The following EYS variants were observed in gnomAD, a reference collection of about 807,000 sequenced individuals.
EYS encodes EGF-like photoreceptor maintenance factor.
EYS carries 250 observed loss-of-function variants against 282.1 expected under a neutral mutation model. The observed-to-expected ratio is 0.89, with a 90% CI of 0.80 to 0.98. The LOEUF (loss-of-function observed/expected upper bound fraction) is 0.98, where lower values mean the gene tolerates loss of function less well. EYS is among the 50% of genes least tolerant of loss of function. The pLI is 0.00. For synonymous variants in EYS, 1,355 were observed against 1,282.9 expected (o/e 1.06, Z -1.20); for missense variants, 4,016 against 3,709.0 (o/e 1.08, Z -2.15).
intron 35 of EYS, among the ~76,000 whole-genome samples, chr6:63,941,120 T>C (rs1351052112): frequency 3.3e-5 from 5 of 152,158 alleles, no homozygotes; most frequent in Non-Finnish European, 5.9e-5. Context: ...TCTTTGCTAT[T>C]GTGAATAGTG....
At chr6:64,997,060 A>G (rs1771287858) in intron 14 of EYS, among the ~76,000 whole-genome samples, 1 of 152,138 alleles carries the variant, frequency 6.6e-6, no homozygotes. Context: ...CATGTCACAG[A>G]TCATTTAAGG....
chr6:65,519,320 G>T (rs1006723686), intron 2 of EYS, among the ~76,000 whole-genome samples: 2 of 151,346 alleles, frequency 1.3e-5, no homozygotes, highest in African/African-American at 4.9e-5. Context: ...CGGTGGTGGT[G>T]GCAAATTAAA....
intron 5 of EYS, among the ~76,000 whole-genome samples, chr6:65,461,317 C>A (rs1358760876): frequency 6.6e-6 from 1 of 152,096 alleles, no homozygotes; most frequent in Non-Finnish European, 1.5e-5. Context: ...AGCTCCATTA[C>A]ATATCTAGGA....
chr6:64,662,484 CA>C (rs1358537757), intron 22 of EYS, among the ~76,000 whole-genome samples: 3 of 152,174 alleles, frequency 2.0e-5, no homozygotes, highest in Admixed American at 6.5e-5. Flanking sequence ...AAAATAACCC[CA>C]AAGTTATAAT....
intron 22 of EYS, among the ~76,000 whole-genome samples, chr6:64,633,450 G>A (rs370478877): frequency 6.6e-6 from 1 of 152,068 alleles, no homozygotes; most frequent in South Asian, 2.1e-4. Context: ...ACAGAGCTGG[G>A]TGCAGGTTGT....
At chr6:65,187,513 G>T (rs1765542609) in intron 12 of EYS, among the ~76,000 whole-genome samples, 3 of 151,626 alleles carry the variant, frequency 2.0e-5, no homozygotes, top group South Asian at 4.1e-4. Flanking sequence ...TTTCCTGCAA[G>T]AATATGAATA....
rs148941212 is a variant in EYS at position 64,159,485 on chromosome 6, G to T, written c.6424+71107C>A. 8.3e-3 allele frequency among the ~76,000 whole-genome samples: 1,235 copies of T among 148,860 alleles called. 4 individuals are homozygous for T. The highest frequency in any genetic ancestry group is 0.017 in the Middle Eastern group (5 of 288). On this transcript the variant is annotated intron_variant, in intron 31 of 42. Transcript: ENST00000503581. Reference sequence around the variant, plus strand: ...TGAAGCAGGACAATGGCGTGAACCCGGGAGGCGGAGCTTGTAGAGAGCCGA... The same window carrying T: ...TGAAGCAGGACAATGGCGTGAACCCTGGAGGCGGAGCTTGTAGAGAGCCGA...
chr6:64,462,868 G>C (rs115051547), intron 26 of EYS, among the ~76,000 whole-genome samples: 5 of 148,980 alleles, frequency 3.4e-5, no homozygotes, highest in Admixed American at 6.7e-5. Flanking sequence ...TATATCTTTC[G>C]TTTAAAAAGC....
intron 22 of EYS, among the ~76,000 whole-genome samples, chr6:64,633,577 G>A (rs1767866643): frequency 6.7e-6 from 1 of 150,300 alleles, no homozygotes; most frequent in Non-Finnish European, 1.5e-5. Flanking sequence ...GAGCAACTGG[G>A]ACTCAGTCTG....
At chr6:64,134,927 A>AT (rs1475705177) in intron 31 of EYS, among the ~76,000 whole-genome samples, 1 of 152,124 alleles carries the variant, frequency 6.6e-6, no homozygotes, top group Non-Finnish European at 1.5e-5. Flanking sequence ...GATGAGATGC[A>AT]TTTTGTGTTC....
At chr6:65,491,270 TACACACACACACACACACAC>T (rs57650145) in intron 4 of EYS, 1 of 168,988 alleles carries the variant, frequency 5.9e-6, no homozygotes, top group Non-Finnish European at 1.2e-5. Flanking sequence ...ATCAGTTATA[TACACACACACACACACACAC>T]ACACACACAC....
chr6:64,805,584 A>G (rs1220697491), intron 22 of EYS, among the ~76,000 whole-genome samples: 3 of 151,794 alleles, frequency 2.0e-5, no homozygotes, highest in Non-Finnish European at 4.4e-5. Context: ...AGAAAAGTAG[A>G]AATCATAACA....
intron 27 of EYS, among the ~76,000 whole-genome samples, chr6:64,437,869 A>T (rs989507594): frequency 6.6e-6 from 1 of 151,266 alleles, no homozygotes; most frequent in Non-Finnish European, 1.5e-5. Context: ...TGCCTATTTA[A>T]ATAATAAGGT....
At chr6:64,220,178 A>G (rs1187594324) in intron 31 of EYS, among the ~76,000 whole-genome samples, 1 of 152,050 alleles carries the variant, frequency 6.6e-6, no homozygotes, top group African/African-American at 2.4e-5. Flanking sequence ...ACTTAAAGTA[A>G]AAAATTTTAA....
At chr6:65,231,526 G>A (rs1426772827) in intron 12 of EYS, among the ~76,000 whole-genome samples, 1 of 151,530 alleles carries the variant, frequency 6.6e-6, no homozygotes, top group African/African-American at 2.4e-5. Context: ...ATGGCTCAAA[G>A]CCAATAAAGT....
intron 24 of EYS, among the ~76,000 whole-genome samples, chr6:64,598,198 C>A (rs965870896): frequency 1.3e-5 from 2 of 152,170 alleles, no homozygotes; most frequent in Admixed American, 6.5e-5. Context: ...TGGTGGCTCA[C>A]GCCTGTAATC....
At chr6:64,669,026 T>C (rs1044156542) in intron 22 of EYS, among the ~76,000 whole-genome samples, 4 of 152,152 alleles carry the variant, frequency 2.6e-5, no homozygotes, top group African/African-American at 9.7e-5. Context: ...ATATTTCTTC[T>C]CTGAAGTAAA....
At chr6:65,074,725 G>A (rs910780149) in intron 12 of EYS, among the ~76,000 whole-genome samples, 4 of 151,946 alleles carry the variant, frequency 2.6e-5, no homozygotes, top group Non-Finnish European at 5.9e-5. Flanking sequence ...GTGGGGCCAA[G>A]TAACATTTTG....
intron 19 of EYS, 66 bp from the exon 20 acceptor site, chr6:64,822,888 A>G: frequency 5.2e-6 from 7 of 1,354,884 alleles, no homozygotes; most frequent in Non-Finnish European, 7.1e-6. Context: ...AAGTTTGTTC[A>G]TTATGGTAAA....
Sources: allele counts gnomAD v4.1 joint callset (sites outside exome capture counted in the v4.1 genomes callset), GRCh38; gene constraint gnomAD v4.1.1; transcripts MANE v1.5; gene names NCBI Gene and HGNC (gene_info 2026-07-23, HGNC 2026-07-21).